The following ARMC12 variants were observed in gnomAD, a reference collection of about 807,000 sequenced individuals.
The protein encoded by ARMC12 is armadillo repeat containing 12.
In ARMC12, 25 loss-of-function variants were observed where a neutral mutation model predicts 37.4. The ratio of observed to expected loss-of-function variants is 0.67; its 90% CI spans 0.49 to 0.93. The LOEUF is 0.93. Ranked by LOEUF, ARMC12 falls within the 40% of genes least tolerant of loss-of-function variation. The pLI, the probability that ARMC12 is intolerant of heterozygous loss-of-function variation, is 0.00. For missense variants in ARMC12, 384 were observed against 426.6 expected, an observed-to-expected ratio of 0.90 and a Z score of 0.88; for synonymous variants, 167 against 176.1, an observed-to-expected ratio of 0.95 and a Z score of 0.41.
rs573924585 is a variant in ARMC12 at position 35,738,295 on chromosome 6, G to T, written c.310-89G>T. The T allele has an allele frequency of 1.6e-4, 226 of 1,414,946 alleles. 2 individuals are homozygous for T. In the African/African-American group the frequency reaches 2.4e-3, roughly 15 times the overall value. The allele number at this position is 1,414,946 out of a possible 1,614,324, so 87.6% of individuals were successfully genotyped here. On this transcript the variant is annotated intron_variant, in intron 2 of 5. Transcript: ENST00000373866. ...CTCTGGCTGATAGCGGTGGGGGGGG[G>T]GTGTGCGGAGGGATCTTGGTGACAT...
intron 3 of ARMC12, among the ~76,000 whole-genome samples, chr6:35,742,568 C>T (rs1767207605): frequency 6.6e-6 from 1 of 151,190 alleles, no homozygotes; most frequent in East Asian, 2.0e-4. Flanking sequence ...TCACAAATCC[C>T]CCAGGAAATT....
upstream of ARMC12, among the ~76,000 whole-genome samples, chr6:35,732,490 A>G (rs183861012): frequency 2.2e-4 from 33 of 152,348 alleles, no homozygotes; most frequent in African/African-American, 4.8e-4. Context: ...TGGGATGTGA[A>G]TGCAAGCCTG....
chr6:35,745,143 C>T (rs1456145421), intron 3 of ARMC12, among the ~76,000 whole-genome samples: 1 of 152,158 alleles, frequency 6.6e-6, no homozygotes, highest in Non-Finnish European at 1.5e-5. Context: ...GAAATGAAAA[C>T]TTATATCTGC....
At chr6:35,739,814 A>G (rs777515145) in intron 3 of ARMC12, among the ~76,000 whole-genome samples, 1 of 152,228 alleles carries the variant, frequency 6.6e-6, no homozygotes. Context: ...TTCAGCAACC[A>G]GGAAGCTCTT....
intron 3 of ARMC12, 98 bp downstream of exon 3, chr6:35,738,616 T>C: frequency 6.7e-7 from 1 of 1,485,290 alleles, no homozygotes; most frequent in Non-Finnish European, 9.1e-7. Context: ...GAAGTTTGTT[T>C]GGGTGTGAAT....
In ARMC12 at chr6:35,742,541, C is replaced by G. The variant is rs1581925917; in HGVS notation, c.444+4023C>G. 2.2e-5 allele frequency among the ~76,000 whole-genome samples: 3 copies of G among 138,902 alleles called. No individual in the cohort carries two copies. In the Middle Eastern group the frequency reaches 0.011, roughly 530 times the overall value. 91.1% of individuals were successfully genotyped at this position (138,902 alleles called of 152,430 possible). Reference sequence around the variant, plus strand: ...AAAAAGCCCAGGGAGTTCAGTTCAACAGGAGAACTTTGTTTTTCACAAATC... The same window carrying G: ...AAAAAGCCCAGGGAGTTCAGTTCAAGAGGAGAACTTTGTTTTTCACAAATC... On this transcript the variant is annotated intron_variant, in intron 3 of 5. Coordinates refer to ENST00000373866, the MANE Select transcript of ARMC12 (RefSeq NM_001286574.2).
chr6:35,738,361 T>TC (rs750811321), intron 2 of ARMC12, 23 bp from the exon 3 acceptor site: 436 of 1,610,958 alleles, frequency 2.7e-4, no homozygotes, highest in Non-Finnish European at 3.1e-4. Context: ...TCCTGCCTCT[T>TC]CCATCTCTCC....
At chr6:35,738,287 G>GA (rs377618919) in intron 2 of ARMC12, 97 bp from the exon 3 acceptor site, 8 of 1,015,770 alleles carry the variant, frequency 7.9e-6, no homozygotes, top group Non-Finnish European at 8.8e-6. Context: ...TGATAGCGGT[G>GA]GGGGGGGGGT....
At chr6:35,734,569 G>A (rs1379879407), upstream of ARMC12, among the ~76,000 whole-genome samples, 1 of 152,166 alleles carries the variant, frequency 6.6e-6, no homozygotes, top group Non-Finnish European at 1.5e-5. Context: ...TTGGGAGGCC[G>A]AGGCAGGCGG....
the ARMC12 span, among the ~76,000 whole-genome samples, chr6:35,731,530 CCATCGTCT>C: frequency 1.3e-5 from 2 of 152,074 alleles, no homozygotes; most frequent in Non-Finnish European, 2.9e-5. Context: ...TGGCCTCTCT[CCATCGTCT>C]CCTGGTGCCC....
rs201221548 is a variant in ARMC12 at position 35,738,283 on chromosome 6, C to CGGG, written c.310-99_310-98insGGG. 507 of 574,470 alleles carry CGGG rather than the reference C, an allele frequency of 8.8e-4. 4 individuals are homozygous for CGGG. Among genetic ancestry groups the CGGG allele is most frequent in the African/African-American group, 3.3e-3 (76 of 23,262 alleles). The allele number at this position is 574,470 out of a possible 1,614,324, so 35.6% of individuals were successfully genotyped here. A position where few individuals can be genotyped will look rare whatever the true frequency, so the allele number is the denominator to read the frequency against. On this transcript the variant is annotated intron_variant, in intron 2 of 5. Transcript: ENST00000373866. ...CCTGGGACCTCTCTCTGGCTGATAG[C>CGGG]GGTGGGGGGGGGGTGTGCGGAGGGA...
At chr6:35,739,081 C>G (rs570898137) in intron 3 of ARMC12, among the ~76,000 whole-genome samples, 16 of 152,242 alleles carry the variant, frequency 1.1e-4, no homozygotes, top group Admixed American at 4.6e-4. Flanking sequence ...TCAGGAACAG[C>G]TAAACGGAGG....
upstream of ARMC12, chr6:35,736,855 C>A (rs1038249037): frequency 1.5e-5 from 8 of 528,698 alleles, no homozygotes; most frequent in African/African-American, 9.5e-5. Context: ...AGTGATCTGC[C>A]TGCCTTGGCC....
the ARMC12 span, among the ~76,000 whole-genome samples, chr6:35,731,856 G>A: frequency 6.6e-6 from 1 of 152,204 alleles, no homozygotes; most frequent in Admixed American, 6.5e-5. Context: ...CGCGTCCTAG[G>A]GGGCGGGCGG....
chr6:35,740,099 G>C (rs1331849870), intron 3 of ARMC12, among the ~76,000 whole-genome samples: 2 of 152,182 alleles, frequency 1.3e-5, no homozygotes, highest in African/African-American at 2.4e-5. Flanking sequence ...CTCTGTTCCT[G>C]GAACTAGGGA....
chr6:35,732,171 C>A (rs1766849676), upstream of ARMC12, among the ~76,000 whole-genome samples: 1 of 152,330 alleles, frequency 6.6e-6, no homozygotes, highest in East Asian at 1.9e-4. Flanking sequence ...CCCTCTGCTC[C>A]CCGCGCCTTA....
chr6:35,746,341 G>C (rs923360216), intron 3 of ARMC12, among the ~76,000 whole-genome samples: 1 of 152,166 alleles, frequency 6.6e-6, no homozygotes, highest in Non-Finnish European at 1.5e-5. Flanking sequence ...GAATATGTAA[G>C]AGGCCATTGT....
intron 3 of ARMC12, among the ~76,000 whole-genome samples, chr6:35,745,828 C>G (rs1346806589): frequency 6.6e-6 from 1 of 152,066 alleles, no homozygotes; most frequent in East Asian, 1.9e-4. Flanking sequence ...GGCATATTAC[C>G]TAAGGTCAGG....
At chr6:35,738,280 TA>T in intron 2 of ARMC12, 103 bp from the exon 3 acceptor site, 2 of 559,790 alleles carry the variant, frequency 3.6e-6, no homozygotes, top group South Asian at 2.1e-5. Flanking sequence ...CTCTGGCTGA[TA>T]GCGGTGGGGG....
Sources: gnomAD v4.1 joint callset for allele counts (sites outside exome capture counted in the v4.1 genomes callset) on GRCh38, gnomAD v4.1.1 for gene constraint, MANE v1.5 for transcripts, NCBI Gene and HGNC (gene_info 2026-07-23, HGNC 2026-07-21) for gene names.